The following MORN1 variants were observed in gnomAD, a reference collection of about 807,000 sequenced individuals.
MORN1 encodes the protein MORN repeat containing 1.
MORN1 carries 67 observed loss-of-function variants against 61.9 expected under a neutral mutation model. The observed-to-expected ratio is 1.08, with a 90% CI of 0.89 to 1.33. The LOEUF (loss-of-function observed/expected upper bound fraction) is 1.33, where lower values mean the gene tolerates loss of function less well. Among genes scored for constraint, MORN1 ranks in the 40% most tolerant of loss-of-function variants. The pLI is 0.00. For synonymous variants in MORN1, 301 were observed against 292.0 expected (o/e 1.03, Z -0.31); for missense variants, 752 against 691.2 (o/e 1.09, Z -0.99).
At chr1:2,352,594 C>T (rs896818231) in intron 10 of MORN1, 1 of 152,466 alleles carries the variant, frequency 6.6e-6, no homozygotes, top group South Asian at 2.1e-4. Context: ...GTCCTGCTCT[C>T]TGACTGTGGC....
intron 8 of MORN1, among the ~76,000 whole-genome samples, chr1:2,370,933 C>T (rs550360962): frequency 5.3e-4 from 81 of 151,960 alleles, no homozygotes; most frequent in African/African-American, 1.7e-3. Context: ...TGGCCGGGCA[C>T]GGTGGCTCAC....
intron 10 of MORN1, among the ~76,000 whole-genome samples, chr1:2,349,129 G>A (rs1005406443): frequency 6.6e-5 from 10 of 152,192 alleles, no homozygotes; most frequent in Non-Finnish European, 1.2e-4. Context: ...CGGAGACCCC[G>A]CTGGCCACCC....
chr1:2,373,027 C>T (rs538414572), intron 7 of MORN1, among the ~76,000 whole-genome samples: 2 of 152,256 alleles, frequency 1.3e-5, no homozygotes, highest in African/African-American at 4.8e-5. Flanking sequence ...GGTGGGTCCA[C>T]CGGCTGGCCA....
chr1:2,360,134 C>A (rs1353414575), intron 8 of MORN1, among the ~76,000 whole-genome samples: 1 of 152,210 alleles, frequency 6.6e-6, no homozygotes, highest in African/African-American at 2.4e-5. Context: ...GCACTAGGCA[C>A]AGGTCCAGGG....
chr1:2,321,382 C>T lies in MORN1; in HGVS notation c.*1G>A. On this transcript the variant is annotated 3_prime_UTR_variant, in exon 14 of 14. Transcript: ENST00000378531. ...AGGTGGCCTCCTGTGGACACGGGGCCTCACCGAGGCGCTGGCGGCTCTGGG... is the reference window on the plus strand; with the variant it reads ...AGGTGGCCTCCTGTGGACACGGGGCTTCACCGAGGCGCTGGCGGCTCTGGG... 8 of 1,515,652 alleles carry T rather than the reference C, an allele frequency of 5.3e-6. No individual in the cohort carries two copies. Among genetic ancestry groups the T allele is most frequent in the Admixed American group, 2.2e-5 (1 of 44,834 alleles). 93.9% of individuals were successfully genotyped at this position (1,515,652 alleles called of 1,614,324 possible).
At chr1:2,329,815 G>C (rs1316686843) in intron 12 of MORN1, among the ~76,000 whole-genome samples, 2 of 152,254 alleles carry the variant, frequency 1.3e-5, no homozygotes, top group Non-Finnish European at 2.9e-5. Flanking sequence ...GCCCCGTGCA[G>C]GTACAGCGTG....
rs1642628004 is a variant in MORN1 at position 2,390,630 on chromosome 1, T to C, written c.77-634A>G. ...GTCGGGGAGGAGGGCAGGGGGTTAC[T>C]ACAGGCTACTGTATCTGTCCCAAAT... is the stretch of plus-strand genomic sequence containing the variant. On this transcript the variant is annotated intron_variant, in intron 1 of 13. Coordinates refer to ENST00000378531, the MANE Select transcript of MORN1 (RefSeq NM_024848.3). The C allele has an allele frequency of 3.0e-6, 3 of 985,432 alleles. No individual in the cohort carries two copies. The South Asian group carries it at 1.4e-4, about 46-fold the overall frequency. 61.0% of individuals were successfully genotyped at this position (985,432 alleles called of 1,614,324 possible). A position where few individuals can be genotyped will look rare whatever the true frequency, so the allele number is the denominator to read the frequency against.
chr1:2,336,374 G>T, intron 12 of MORN1, 95 bp downstream of exon 12: 1 of 1,275,264 alleles, frequency 7.8e-7, no homozygotes, highest in Non-Finnish European at 1.1e-6. Context: ...CCAGGCCCTT[G>T]GCTCCCCTGG....
chr1:2,385,934 C>T (rs557971290), intron 4 of MORN1, 37 bp from the exon 5 acceptor site: 66 of 1,568,762 alleles, frequency 4.2e-5, no homozygotes, highest in South Asian at 2.9e-4. Context: ...TGGCTTTGTG[C>T]CTCCTCCTGC....
At chr1:2,390,212 C>G (rs986345162) in intron 1 of MORN1, among the ~76,000 whole-genome samples, 4 of 152,144 alleles carry the variant, frequency 2.6e-5, no homozygotes, top group Non-Finnish European at 4.4e-5. Flanking sequence ...AGGATGAGGA[C>G]CTACTTGGTG....
At chr1:2,333,972 T>C (rs146194522) in intron 12 of MORN1, among the ~76,000 whole-genome samples, 249 of 151,976 alleles carry the variant, frequency 1.6e-3, no homozygotes, top group African/African-American at 3.6e-3. Flanking sequence ...TGGACGCTGG[T>C]TGGGGGAGCT....
chr1:2,363,811 A>ACAAAC (rs1553217340), intron 8 of MORN1, among the ~76,000 whole-genome samples: 1 of 135,100 alleles, frequency 7.4e-6, no homozygotes, highest in Admixed American at 7.2e-5. Flanking sequence ...CAAACAAAAA[A>ACAAAC]ATATATATAT....
At chr1:2,325,172 T>TCCTTCCCTC (rs1640993135) in intron 12 of MORN1, among the ~76,000 whole-genome samples, 2 of 13,674 alleles carry the variant, frequency 1.5e-4, no homozygotes, top group Admixed American at 1.1e-3. Context: ...TTCCTTCCTT[T>TCCTTCCCTC]CCTTCCTTCC....
At chr1:2,325,165 CTT>C (rs1640991868) in intron 12 of MORN1, among the ~76,000 whole-genome samples, 2 of 111,764 alleles carry the variant, frequency 1.8e-5, no homozygotes, top group African/African-American at 3.3e-5. Context: ...CCCTCCCTTC[CTT>C]CCTTTCCTTC....
chr1:2,322,870 G>A (rs1055191965), intron 13 of MORN1: 153 of 985,286 alleles, frequency 1.6e-4, no homozygotes, highest in Non-Finnish European at 1.8e-4. Context: ...AAGGGTGGGC[G>A]GCAAGGGCTC....
rs552545803 is a variant in MORN1 at position 2,351,863 on chromosome 1, T to A, written c.1036+5569A>T. The A allele has an allele frequency of 7.8e-6, 4 of 511,204 alleles. No homozygotes were observed. The East Asian group carries it at 1.9e-4, about 25-fold the overall frequency. 31.7% of individuals were successfully genotyped at this position (511,204 alleles called of 1,614,324 possible). On this transcript the variant is annotated intron_variant, in intron 10 of 13. Coordinates refer to ENST00000378531, the MANE Select transcript of MORN1 (RefSeq NM_024848.3). ...TGCTACTCTTGCCCACGGTCACGAC[T>A]GCCGTTCCCCCAGATCCAATGTCCA...
intron 6 of MORN1, among the ~76,000 whole-genome samples, chr1:2,384,271 A>G (rs1289685008): frequency 6.6e-6 from 1 of 152,134 alleles, no homozygotes; most frequent in Non-Finnish European, 1.5e-5. Context: ...CTTTGCCCGC[A>G]CATCCAACCT....
At chr1:2,348,966 G>A (rs1641591087) in intron 10 of MORN1, among the ~76,000 whole-genome samples, 1 of 152,140 alleles carries the variant, frequency 6.6e-6, no homozygotes, top group Non-Finnish European at 1.5e-5. Flanking sequence ...GCCAGCCCAC[G>A]GGTTCCTTCT....
intron 10 of MORN1, 133 bp from the exon 11 acceptor site, chr1:2,336,983 T>TG: frequency 9.3e-7 from 1 of 1,077,630 alleles, no homozygotes; most frequent in Non-Finnish European, 1.2e-6. Context: ...GCCATCTTGG[T>TG]GGGGGCAGGT....
Sources: allele counts gnomAD v4.1 joint callset (sites outside exome capture counted in the v4.1 genomes callset), GRCh38; gene constraint gnomAD v4.1.1; transcripts MANE v1.5; gene names NCBI Gene and HGNC (gene_info 2026-07-23, HGNC 2026-07-21).